C20orf203: variants seen among roughly 807,000 people sequenced by gnomAD.
C20orf203 encodes the protein chromosome 20 open reading frame 203.
C20orf203 carries 16 observed loss-of-function variants against 15.9 expected under a neutral mutation model. The observed-to-expected ratio is 1.01, with a 90% confidence interval of 0.68 to 1.53. The LOEUF (loss-of-function observed/expected upper bound fraction) is 1.53, where lower values mean the gene tolerates loss of function less well. Among genes scored for constraint, C20orf203 ranks in the 40% most tolerant of loss-of-function variants. The pLI is 0.00. For synonymous variants in C20orf203, 98 were observed against 97.2 expected (o/e 1.01, Z -0.05); for missense variants, 263 against 247.5 (o/e 1.06, Z -0.42).
chr20:32,634,088 T>C lies in C20orf203; in HGVS notation c.*1482A>G. The C allele has an allele frequency of 2.5e-6, 1 of 398,618 alleles. No individual in the cohort carries two copies. Among genetic ancestry groups the C allele is most frequent in the Non-Finnish European group, 4.4e-6 (1 of 226,094 alleles). 24.7% of individuals were successfully genotyped at this position (398,618 alleles called of 1,614,324 possible). A position where few individuals can be genotyped will look rare whatever the true frequency, so the allele number is the denominator to read the frequency against. The stretch of plus-strand genomic sequence containing the variant: ...ATTCCGAGATGAATCCAGCCTGAGC[T>C]TTGTCCTTGGGGGACACAGAAAACA... On this transcript the variant is annotated 3_prime_UTR_variant, in exon 6 of 6. Coordinates refer to ENST00000608990, the MANE Select transcript of C20orf203 (RefSeq NM_182584.4).
At chr20:32,638,892 T>C (rs1358548254) in intron 5 of C20orf203, among the ~76,000 whole-genome samples, 3 of 152,214 alleles carry the variant, frequency 2.0e-5, no homozygotes, top group African/African-American at 7.2e-5. Context: ...CTGACTCACC[T>C]GGTGATACCA....
chr20:32,648,880 A>G (rs1432484908), intron 4 of C20orf203, among the ~76,000 whole-genome samples: 1 of 152,216 alleles, frequency 6.6e-6, no homozygotes, highest in Admixed American at 6.5e-5. Flanking sequence ...TAACCATGGT[A>G]AGTGGTCAAA....
Position 32,650,116 on chromosome 20 carries a change from T to G in C20orf203, c.*316A>C. On this transcript the variant is annotated 3_prime_UTR_variant, in exon 4 of 6. Transcript: ENST00000608990. ...GCACTCAGGGACCAAGCCAGAGAGATGTGCCAGCGCCTCCCAAGGGAGAAG... is the reference window on the plus strand; with the variant it reads ...GCACTCAGGGACCAAGCCAGAGAGAGGTGCCAGCGCCTCCCAAGGGAGAAG... 1 of 318,474 alleles carries G rather than the reference T, an allele frequency of 3.1e-6. No homozygotes were observed. Among genetic ancestry groups the G allele is most frequent in the Non-Finnish European group, 5.9e-6 (1 of 170,430 alleles). The allele number at this position is 318,474 out of a possible 1,614,324, so 19.7% of individuals were successfully genotyped here. A position where few individuals can be genotyped will look rare whatever the true frequency, so the allele number is the denominator to read the frequency against.
chr20:32,667,309 C>T (rs2145682639), intron 1 of C20orf203, among the ~76,000 whole-genome samples: 1 of 152,356 alleles, frequency 6.6e-6, no homozygotes, highest in Admixed American at 6.5e-5. Flanking sequence ...ACTCTGGCTG[C>T]TGCCTGGAGG....
chr20:32,665,551 C>T (rs576403010), intron 1 of C20orf203, among the ~76,000 whole-genome samples: 129 of 152,290 alleles, frequency 8.5e-4, no homozygotes, highest in Non-Finnish European at 5.1e-4. Context: ...AAGAGCAAGG[C>T]GCGGTCCAGG....
At position 32,651,835 on chromosome 20, in the gene C20orf203, T is replaced by C. The variant is rs1468117785; in HGVS notation, c.-117A>G. The C allele has an allele frequency of 6.6e-6, 1 of 152,350 alleles. No homozygotes were observed. The highest frequency in any genetic ancestry group is 6.5e-5 in the Admixed American group (1 of 15,278). 9.4% of individuals were successfully genotyped at this position (152,350 alleles called of 1,614,324 possible). ...CACTACGGAAGAGGAAGAGGCAGCC[T>C]TGGATCCCTTGAGTGAGGAGAGGAT... On this transcript the variant is annotated 5_prime_UTR_variant, in exon 2 of 6. Transcript: ENST00000608990.
At chr20:32,635,293 T>A (rs977564621) in intron 5 of C20orf203, among the ~76,000 whole-genome samples, 2 of 140,750 alleles carry the variant, frequency 1.4e-5, no homozygotes, top group African/African-American at 5.4e-5. Context: ...AGGTCAGGAG[T>A]TCAAGAGCAG....
intron 1 of C20orf203, among the ~76,000 whole-genome samples, chr20:32,653,136 G>A (rs927069917): frequency 6.6e-6 from 1 of 152,194 alleles, no homozygotes; most frequent in Non-Finnish European, 1.5e-5. Flanking sequence ...GGATGCTGAA[G>A]CCACTGTGAA....
chr20:32,659,253 TG>T, intron 1 of C20orf203, among the ~76,000 whole-genome samples: 1 of 152,230 alleles, frequency 6.6e-6, no homozygotes, highest in East Asian at 1.9e-4. Flanking sequence ...CCAAAGACAC[TG>T]GGAATGTAAT....
rs551483254 is a variant in C20orf203, at chr20:32,672,287, C to T, written c.-264+1345G>A. Among the ~76,000 whole-genome samples the T allele has an allele frequency of 1.3e-3, 200 of 151,066 alleles. 2 individuals carry two copies. Among genetic ancestry groups the T allele is most frequent in the African/African-American group, 4.7e-3 (194 of 41,104 alleles). ...CCAGGAGATGGAGGTTGCAGTGAGC[C>T]GAGATCCCACCACTGCACACCAGCC... On this transcript the variant is annotated intron_variant, in intron 1 of 5. Coordinates refer to ENST00000608990, the MANE Select transcript of C20orf203 (RefSeq NM_182584.4).
intron 1 of C20orf203, among the ~76,000 whole-genome samples, chr20:32,655,236 G>A (rs1982726113): frequency 6.6e-6 from 1 of 152,206 alleles, no homozygotes; most frequent in South Asian, 2.1e-4. Context: ...GATACCAAAA[G>A]CACAAGCAAC....
At chr20:32,648,990 C>T (rs1476045701) in intron 4 of C20orf203, among the ~76,000 whole-genome samples, 1 of 152,208 alleles carries the variant, frequency 6.6e-6, no homozygotes, top group African/African-American at 2.4e-5. Context: ...CTGCCTCCCC[C>T]ATGAGGAGGC....
intron 5 of C20orf203, among the ~76,000 whole-genome samples, chr20:32,635,136 G>T (rs1190136873): frequency 1.3e-5 from 2 of 151,884 alleles, no homozygotes; most frequent in African/African-American, 4.8e-5. Flanking sequence ...GGAGGTTGCA[G>T]TGAGACAAGA....
chr20:32,653,111 C>T (rs1197333681), intron 1 of C20orf203, among the ~76,000 whole-genome samples: 2 of 152,142 alleles, frequency 1.3e-5, no homozygotes, highest in African/African-American at 2.4e-5. Context: ...TCTGGTGGCT[C>T]CTCTGGGCAG....
chr20:32,633,772 C>T lies in C20orf203; in HGVS notation c.*1798G>A, dbSNP rs1221281802. On this transcript the variant is annotated 3_prime_UTR_variant, in exon 6 of 6. Coordinates refer to ENST00000608990, the MANE Select transcript of C20orf203 (RefSeq NM_182584.4). The stretch of plus-strand genomic sequence containing the variant: ...CCTGCCTCTGACTCCTCCGGCCAGT[C>T]GCCCTGACAGCCCCCTCACCGCGTT... 4 of 357,674 alleles carry T rather than the reference C, an allele frequency of 1.1e-5. No homozygotes were observed. The highest frequency in any genetic ancestry group is 4.7e-5 in the Admixed American group (1 of 21,226). 22.2% of individuals were successfully genotyped at this position (357,674 alleles called of 1,614,324 possible). A position where few individuals can be genotyped will look rare whatever the true frequency, so the allele number is the denominator to read the frequency against.
intron 1 of C20orf203, among the ~76,000 whole-genome samples, chr20:32,673,358 G>A (rs1469589712): frequency 1.3e-5 from 2 of 152,186 alleles, no homozygotes; most frequent in African/African-American, 4.8e-5. Flanking sequence ...ACCACAGAGA[G>A]AGCACAGGGC....
intron 5 of C20orf203, among the ~76,000 whole-genome samples, chr20:32,638,823 G>C (rs988507787): frequency 3.9e-5 from 6 of 152,330 alleles, no homozygotes; most frequent in South Asian, 2.1e-4. Flanking sequence ...AGCAGAAAGG[G>C]GGGGCGGGCA....
rs79203780 is a variant in C20orf203, at chr20:32,632,243, G to A, written c.*3327C>T. The A allele has an allele frequency of 1.3e-5, 2 of 152,374 alleles. No homozygotes were observed. The highest frequency in any genetic ancestry group is 3.9e-4 in the East Asian group (2 of 5,178). 9.4% of individuals were successfully genotyped at this position (152,374 alleles called of 1,614,324 possible). On this transcript the variant is annotated 3_prime_UTR_variant, in exon 6 of 6. Transcript: ENST00000608990. ...GTCAGCAAGGTCAGGAGTGGGAGAG[G>A]GGAGAAGGCCTTTCATGGAGCACTC...
chr20:32,660,661 C>T (rs1003158024), intron 1 of C20orf203, among the ~76,000 whole-genome samples: 2 of 152,078 alleles, frequency 1.3e-5, no homozygotes, highest in Non-Finnish European at 2.9e-5. Context: ...TTCCTGGTGG[C>T]CAGTTTCCAC....
Sources: gnomAD v4.1 joint callset for allele counts (sites outside exome capture counted in the v4.1 genomes callset) on GRCh38, gnomAD v4.1.1 for gene constraint, MANE v1.5 for transcripts, NCBI Gene and HGNC (gene_info 2026-07-23, HGNC 2026-07-21) for gene names.